ZNF273: variants seen among roughly 807,000 people sequenced by gnomAD.
ZNF273 encodes zinc finger protein 9.
A neutral mutation model predicts 14.9 loss-of-function variants in ZNF273; 11 were observed. The observed-to-expected ratio is 0.74, with a 90% CI of 0.46 to 1.22. The LOEUF (loss-of-function observed/expected upper bound fraction) is 1.22, where lower values mean the gene tolerates loss of function less well. ZNF273 is among the 50% of genes most tolerant of loss of function. The pLI, the probability that ZNF273 is intolerant of heterozygous loss-of-function variation, is 0.00. For synonymous variants in ZNF273, 199 were observed against 223.9 expected, an observed-to-expected ratio of 0.89 and a Z score of 0.99; for missense variants, 577 against 660.6, an observed-to-expected ratio of 0.87 and a Z score of 1.39.
chr7:64,927,194 G>C lies in ZNF273; in HGVS notation c.326-460G>C, dbSNP rs952073324. On this transcript the variant is annotated intron_variant, in intron 3 of 3. Coordinates refer to ENST00000476120, the MANE Select transcript of ZNF273 (RefSeq NM_021148.3). ...TGCAGCCTCTACCTTGTGGGTTCAA[G>C]GGATTCTCCTGCCTCAGCCTCCTGA... Among the ~76,000 whole-genome samples, 8 of 152,168 alleles carry C rather than the reference G, an allele frequency of 5.3e-5. No homozygotes were observed. In the East Asian group the frequency reaches 1.4e-3, roughly 26 times the overall value.
At chr7:64,926,988 A>T (rs930909494) in intron 3 of ZNF273, among the ~76,000 whole-genome samples, 2 of 152,200 alleles carry the variant, frequency 1.3e-5, no homozygotes, top group Admixed American at 6.5e-5. Flanking sequence ...TGCATTTGTC[A>T]GGAGAGACAG....
At position 64,928,996 on chromosome 7, in the gene ZNF273, C is replaced by G; in HGVS notation, c.1668C>G (p.Asn556Lys). 2.5e-6 allele frequency: 4 copies of G among 1,571,348 alleles called. No homozygotes were observed. The highest frequency in any genetic ancestry group is 3.4e-6 in the Non-Finnish European group (4 of 1,162,804). Reference protein sequence around the residue: ...RCDSAFDNTPNFSRHKRNHMG... With the variant: ...RCDSAFDNTPKFSRHKRNHMG... ...ACAGTGCTTTTGACAACACCCCAAACTTTTCTAGACATAAAAGAAATCATA... is the reference window on the plus strand; with the variant it reads ...ACAGTGCTTTTGACAACACCCCAAAGTTTTCTAGACATAAAAGAAATCATA... Residue 556 changes from asparagine (N) to lysine (K), a missense_variant, in exon 4 of 4, where the codon AAC (asparagine) becomes AAG (lysine). Asn to Lys is a moderately conservative substitution (Grantham distance 94). Coordinates refer to ENST00000476120, the MANE Select transcript of ZNF273 (RefSeq NM_021148.3).
chr7:64,918,065 T>A, intron 2 of ZNF273, 132 bp from the exon 3 acceptor site: 1 of 768,694 alleles, frequency 1.3e-6, no homozygotes, highest in South Asian at 2.3e-5. Flanking sequence ...ATTTAGAAAT[T>A]TACATTACTA....
At chr7:64,927,236 G>A (rs1375254417) in intron 3 of ZNF273, among the ~76,000 whole-genome samples, 3 of 152,092 alleles carry the variant, frequency 2.0e-5, no homozygotes, top group Non-Finnish European at 4.4e-5. Flanking sequence ...GGGATTACAG[G>A]CATGTGCCAC....
downstream of ZNF273, chr7:64,893,811 C>T (rs1792200085): frequency 6.5e-6 from 1 of 153,698 alleles, no homozygotes. Context: ...CTGGATCCCA[C>T]CATCCCTAGG....
At chr7:64,898,073 G>A (rs1381969261) in intron 4 of ZNF273, 1 of 152,064 alleles carries the variant, frequency 6.6e-6, no homozygotes, top group East Asian at 1.9e-4. Flanking sequence ...TCACCAAAAG[G>A]CTGGCATATA....
chr7:64,910,352 A>G (rs1793398917), intron 1 of ZNF273, among the ~76,000 whole-genome samples: 1 of 152,070 alleles, frequency 6.6e-6, no homozygotes, highest in African/African-American at 2.4e-5. Flanking sequence ...TGACTTTTGT[A>G]TGTAGTGTAA....
chr7:64,894,990 A>T (rs1246319349), intron 3 of ZNF273, among the ~76,000 whole-genome samples: 2 of 150,790 alleles, frequency 1.3e-5, no homozygotes, highest in African/African-American at 4.9e-5. Flanking sequence ...AAAAAAAATT[A>T]GCTGGGCATG....
intron 1 of ZNF273, among the ~76,000 whole-genome samples, chr7:64,887,763 G>A (rs985464541): frequency 1.3e-5 from 2 of 151,526 alleles, no homozygotes; most frequent in African/African-American, 4.9e-5. Flanking sequence ...CTCCCAGAGT[G>A]CTGGGATTAC....
chr7:64,898,226 A>G (rs1310212567), intron 4 of ZNF273, among the ~76,000 whole-genome samples: 3 of 152,238 alleles, frequency 2.0e-5, no homozygotes, highest in Non-Finnish European at 4.4e-5. Context: ...AGTATTTTAT[A>G]TAAGTATTCA....
rs745511575 is a variant in ZNF273, at chr7:64,928,761, G to A, written c.1433G>A (p.Arg478Lys). 4 of 1,612,864 alleles carry A rather than the reference G, an allele frequency of 2.5e-6. No homozygotes were observed. The East Asian group carries it at 6.7e-5, about 27-fold the overall frequency. ...RAFSTLTEHK[R>K]VHTGEKPYKC... is the part of the protein sequence containing the mutation. Reference sequence around the variant, plus strand: ...TTCTCAACCCTTACTGAACATAAGAGAGTTCATACTGGAGAGAAACCTTAC... The same window carrying A: ...TTCTCAACCCTTACTGAACATAAGAAAGTTCATACTGGAGAGAAACCTTAC... The change falls in exon 4 of 4, where the codon AGA (arginine) becomes AAA (lysine). Residue 478 changes from arginine (R) to lysine (K), a missense_variant. Transcript: ENST00000476120.
In ZNF273 at chr7:64,917,572, GTT is replaced by G. The variant is rs1794098456; in HGVS notation, c.103-5_103-4del. 1 of 1,589,532 alleles carries G rather than the reference GTT, an allele frequency of 6.3e-7. No homozygotes were observed. The highest frequency in any genetic ancestry group is 1.3e-5 in the African/African-American group (1 of 74,178). ...GGTAAATATGTTTTTGTGTGTGTGT[GTT>G]TTTCAGGGACCACTGACATTTAGGG... On this transcript the variant is annotated splice_region_variant and splice_polypyrimidine_tract_variant and intron_variant, in intron 1 of 3. Transcript: ENST00000476120.
At chr7:64,924,534 C>T (rs938378185) in intron 3 of ZNF273, 14 of 151,786 alleles carry the variant, frequency 9.2e-5, no homozygotes, top group Middle Eastern at 3.2e-3. Context: ...CACACACACA[C>T]GCGCGCGCGC....
intron 2 of ZNF273, among the ~76,000 whole-genome samples, chr7:64,878,918 C>T (rs1170497401): frequency 6.6e-6 from 1 of 152,236 alleles, no homozygotes; most frequent in Non-Finnish European, 1.5e-5. Flanking sequence ...ATGACTCATT[C>T]CTTCTGAGCA....
At chr7:64,901,806 C>CGG (rs929072503), upstream of ZNF273, among the ~76,000 whole-genome samples, 114 of 151,458 alleles carry the variant, frequency 7.5e-4, no homozygotes, top group African/African-American at 2.5e-3. Flanking sequence ...CAAAATTAGC[C>CGG]GGGCACGATG....
At chr7:64,932,586 G>A (rs755279861), downstream of ZNF273, among the ~76,000 whole-genome samples, 7 of 152,222 alleles carry the variant, frequency 4.6e-5, no homozygotes, top group East Asian at 7.8e-4. Flanking sequence ...TTACAGGCGC[G>A]AGCCACTGCG....
intron 3 of ZNF273, among the ~76,000 whole-genome samples, chr7:64,896,649 T>A (rs1310206409): frequency 6.6e-6 from 1 of 152,150 alleles, no homozygotes; most frequent in Non-Finnish European, 1.5e-5. Context: ...TTATAGCTAC[T>A]ATGTATAAAT....
chr7:64,916,369 G>GCAAA lies in ZNF273; in HGVS notation c.103-1212_103-1211insCAAA, dbSNP rs762863213. ...GTGAAACCCCATCTCTACTAAAAAT[G>GCAAA]TAAAAAAAAAAAAAAAAAAATTAGC... On this transcript the variant is annotated intron_variant, in intron 1 of 3. Coordinates refer to ENST00000476120, the MANE Select transcript of ZNF273 (RefSeq NM_021148.3). Among the ~76,000 whole-genome samples, 1,033 of 135,068 alleles carry GCAAA rather than the reference G, an allele frequency of 7.6e-3. 22 individuals carry two copies. Among genetic ancestry groups the GCAAA allele is most frequent in the Non-Finnish European group, 0.012 (734 of 63,444 alleles). 88.6% of individuals were successfully genotyped at this position (135,068 alleles called of 152,430 possible). A position where few individuals can be genotyped will look rare whatever the true frequency, so the allele number is the denominator to read the frequency against.
chr7:64,895,340 T>G (rs1258626021), intron 3 of ZNF273, among the ~76,000 whole-genome samples: 1 of 152,190 alleles, frequency 6.6e-6, no homozygotes, highest in Non-Finnish European at 1.5e-5. Flanking sequence ...TTTTTCAAAT[T>G]TCATAGGTCT....
Sources: gnomAD v4.1 joint callset for allele counts (sites outside exome capture counted in the v4.1 genomes callset) on GRCh38, gnomAD v4.1.1 for gene constraint, MANE v1.5 for transcripts, NCBI Gene and HGNC (gene_info 2026-07-23, HGNC 2026-07-21) for gene names.